Variants in MARCHF1 observed in about 807,000 individuals in gnomAD.
The protein encoded by MARCHF1 is membrane associated ring-CH-type finger 1, also known as E3 ubiquitin-protein ligase MARCHF1.
Under a neutral mutation model 54.2 loss-of-function variants are expected in MARCHF1, and 40 were observed. The ratio of observed to expected loss-of-function variants is 0.74; its 90% CI spans 0.57 to 0.96. The LOEUF (loss-of-function observed/expected upper bound fraction) is 0.96, where lower values mean the gene tolerates loss of function less well. Ranked by LOEUF, MARCHF1 falls within the 40% of genes least tolerant of loss-of-function variation. MARCHF1 has a pLI of 0.00. For synonymous variants in MARCHF1, 236 were observed against 236.3 expected (o/e 1.00, Z 0.01); for missense variants, 586 against 656.5 (o/e 0.89, Z 1.17).
intron 4 of MARCHF1, among the ~76,000 whole-genome samples, chr4:163,846,346 A>G (rs1007908926): frequency 2.0e-5 from 3 of 152,166 alleles, no homozygotes; most frequent in African/African-American, 7.2e-5. Flanking sequence ...TAATATACTC[A>G]ACCTCCTCTT....
At chr4:164,231,651 G>T (rs982130982) in intron 1 of MARCHF1, among the ~76,000 whole-genome samples, 19 of 152,070 alleles carry the variant, frequency 1.2e-4, no homozygotes, top group African/African-American at 4.6e-4. Context: ...TAAGAGCTCA[G>T]AATCAAAACT....
At chr4:163,665,991 C>T (rs1743519203) in intron 5 of MARCHF1, among the ~76,000 whole-genome samples, 1 of 152,092 alleles carries the variant, frequency 6.6e-6, no homozygotes, top group South Asian at 2.1e-4. Context: ...AATGTTCATG[C>T]CACATGCAGA....
chr4:164,033,779 G>C (rs28828815), intron 2 of MARCHF1, among the ~76,000 whole-genome samples: 1,607 of 152,240 alleles, frequency 0.011, 39 homozygotes, highest in African/African-American at 0.037. Context: ...GACAACAGAT[G>C]CTGGTGAGGC....
At chr4:164,302,868 T>TA (rs70952621) in intron 1 of MARCHF1, among the ~76,000 whole-genome samples, 21,672 of 113,860 alleles carry the variant, frequency 0.19, 2,170 homozygotes, top group East Asian at 0.35. Flanking sequence ...GAGACTGTCT[T>TA]AAAAAAAAAA....
chr4:164,336,710 A>C (rs1450576884), intron 1 of MARCHF1, among the ~76,000 whole-genome samples: 1 of 152,182 alleles, frequency 6.6e-6, no homozygotes, highest in Non-Finnish European at 1.5e-5. Context: ...AACAATTCAA[A>C]GGTTACTACC....
intron 1 of MARCHF1, among the ~76,000 whole-genome samples, chr4:164,257,909 C>A (rs12647526): frequency 0.033 from 5,002 of 152,206 alleles, 179 homozygotes; most frequent in East Asian, 0.16. Context: ...TGGGTATATA[C>A]CCAAAGGAAT....
intron 3 of MARCHF1, among the ~76,000 whole-genome samples, chr4:163,903,785 T>C (rs1750993885): frequency 1.3e-5 from 2 of 152,026 alleles, no homozygotes. Context: ...CTAATTTTTT[T>C]GTATTTTTTG....
At chr4:164,042,996 G>T (rs1754161425) in intron 2 of MARCHF1, among the ~76,000 whole-genome samples, 1 of 152,210 alleles carries the variant, frequency 6.6e-6, no homozygotes, top group Non-Finnish European at 1.5e-5. Flanking sequence ...AAGGCCTTGG[G>T]AAGCTCTGCC....
At chr4:163,768,263 T>C (rs993450759) in intron 4 of MARCHF1, among the ~76,000 whole-genome samples, 8 of 152,294 alleles carry the variant, frequency 5.3e-5, no homozygotes, top group African/African-American at 1.7e-4. Flanking sequence ...CTCACTCCAA[T>C]TTTTCAACTG....
chr4:164,092,659 T>C (rs1755329589), intron 2 of MARCHF1, among the ~76,000 whole-genome samples: 1 of 152,170 alleles, frequency 6.6e-6, no homozygotes, highest in African/African-American at 2.4e-5. Flanking sequence ...TTCAGAGTTC[T>C]TCATTTCCAA....
intron 5 of MARCHF1, 86 bp from the exon 6 acceptor site, chr4:163,613,479 T>G: frequency 4.3e-6 from 7 of 1,612,284 alleles, no homozygotes; most frequent in Non-Finnish European, 4.2e-6. Flanking sequence ...ATTTAAAAAA[T>G]TACAACAAAC....
At chr4:164,217,312 G>T (rs894470722) in intron 1 of MARCHF1, among the ~76,000 whole-genome samples, 2 of 152,188 alleles carry the variant, frequency 1.3e-5, no homozygotes, top group African/African-American at 4.8e-5. Context: ...ACTTATGTAG[G>T]CTTAAATTGA....
chr4:163,679,908 C>T (rs774483190), intron 5 of MARCHF1, among the ~76,000 whole-genome samples: 1 of 151,938 alleles, frequency 6.6e-6, no homozygotes, highest in Non-Finnish European at 1.5e-5. Context: ...CCTTTATCTC[C>T]GCTTCTTAAA....
chr4:163,665,556 C>G (rs955964988), intron 5 of MARCHF1, among the ~76,000 whole-genome samples: 3 of 152,092 alleles, frequency 2.0e-5, no homozygotes, highest in Non-Finnish European at 2.9e-5. Flanking sequence ...TGATAACAGT[C>G]AGTGTTCGTG....
chr4:163,568,224 C>T (rs570743703), intron 8 of MARCHF1, among the ~76,000 whole-genome samples: 1 of 152,122 alleles, frequency 6.6e-6, no homozygotes, highest in African/African-American at 2.4e-5. Context: ...TTAACTGTTA[C>T]TCTAGAGCAG....
At chr4:164,153,291 T>A (rs533675208) in intron 1 of MARCHF1, among the ~76,000 whole-genome samples, 1 of 152,304 alleles carries the variant, frequency 6.6e-6, no homozygotes, top group African/African-American at 2.4e-5. Context: ...ACACCTATTC[T>A]CTTTTTATCG....
At chr4:163,981,634 C>T (rs1384087481) in intron 3 of MARCHF1, among the ~76,000 whole-genome samples, 1 of 152,132 alleles carries the variant, frequency 6.6e-6, no homozygotes, top group Non-Finnish European at 1.5e-5. Flanking sequence ...GTCTGTGATC[C>T]TCCCCCTTCA....
intron 4 of MARCHF1, among the ~76,000 whole-genome samples, chr4:163,803,847 G>T (rs996064658): frequency 2.0e-5 from 3 of 152,166 alleles, no homozygotes; most frequent in African/African-American, 7.2e-5. Context: ...ACAAATATAA[G>T]ACCATCTTAG....
rs1405092116 is a variant in MARCHF1, at chr4:164,106,690, G to A, written c.-248+4898C>T. Among the ~76,000 whole-genome samples the A allele has an allele frequency of 2.7e-4, 40 of 146,800 alleles. 1 individual carries two copies. The highest frequency in any genetic ancestry group is 8.2e-4 in the African/African-American group (32 of 39,070). On this transcript the variant is annotated intron_variant, in intron 2 of 9. Coordinates refer to ENST00000514618, the MANE Select transcript of MARCHF1 (RefSeq NM_001394959.1). Reference sequence around the variant, plus strand: ...TAGATGACGAGTTAGTGGGTGCAGCGCACCAGCATGGCACATGTATACATA... The same window carrying A: ...TAGATGACGAGTTAGTGGGTGCAGCACACCAGCATGGCACATGTATACATA...
Sources: gnomAD v4.1 joint callset for allele counts (sites outside exome capture counted in the v4.1 genomes callset) on GRCh38, gnomAD v4.1.1 for gene constraint, MANE v1.5 for transcripts, NCBI Gene and HGNC (gene_info 2026-07-23, HGNC 2026-07-21) for gene names.